The following RABGAP1 variants were observed in gnomAD, a reference collection of about 807,000 sequenced individuals.
RABGAP1 encodes the protein rab GTPase-activating protein 1.
Under a neutral mutation model 137.6 loss-of-function variants are expected in RABGAP1, and 23 were observed. The ratio of observed to expected loss-of-function variants is 0.17; its 90% CI spans 0.12 to 0.24. The LOEUF (loss-of-function observed/expected upper bound fraction) is 0.24. Ranked by LOEUF, RABGAP1 falls within the 10% of genes least tolerant of loss-of-function variation. The probability of loss-of-function intolerance (pLI) is 1.00; values close to 1 mark genes in which losing one functional copy is unlikely to be tolerated. For synonymous variants in RABGAP1, 451 were observed against 450.7 expected (o/e 1.00, Z -0.01); for missense variants, 906 against 1,275.8 (o/e 0.71, Z 4.42).
intron 11 of RABGAP1, among the ~76,000 whole-genome samples, chr9:123,010,950 T>G (rs2030750355): frequency 1.3e-5 from 2 of 151,902 alleles, no homozygotes; most frequent in Admixed American, 6.6e-5. Context: ...ATATATACGT[T>G]TATATATTAC....
intron 2 of RABGAP1, among the ~76,000 whole-genome samples, chr9:122,961,555 C>G (rs1468452996): frequency 6.6e-6 from 1 of 152,224 alleles, no homozygotes; most frequent in Non-Finnish European, 1.5e-5. Flanking sequence ...AAGCAAGTTA[C>G]TCCACATGAT....
intron 13 of RABGAP1, among the ~76,000 whole-genome samples, chr9:123,030,488 C>T (rs1260963086): frequency 2.0e-5 from 3 of 152,008 alleles, no homozygotes; most frequent in African/African-American, 7.2e-5. Context: ...AGTTACTCAG[C>T]CTTCAAAGTA....
chr9:122,939,215 A>G (rs1257962679), upstream of RABGAP1: 1 of 152,156 alleles, frequency 6.6e-6, no homozygotes, highest in African/African-American at 2.4e-5. Context: ...AATAAGGTAG[A>G]TATTTTTAAT....
At chr9:123,068,165 C>T (rs916238844) in intron 14 of RABGAP1, among the ~76,000 whole-genome samples, 1 of 152,024 alleles carries the variant, frequency 6.6e-6, no homozygotes, top group Non-Finnish European at 1.5e-5. Context: ...GCCTGGCCAA[C>T]ATGATGAAAC....
At position 123,016,646 on chromosome 9, in the gene RABGAP1, A is replaced by G. The variant is rs554156452; in HGVS notation, c.1643+1010A>G. On this transcript the variant is annotated intron_variant, in intron 12 of 25. Coordinates refer to ENST00000373647, the MANE Select transcript of RABGAP1 (RefSeq NM_012197.4). ...TTTTCTCCTTGAATAGGATGCCAGT[A>G]TATGCTGAAAAAAGCTGAGCTTGGA... 2.0e-5 allele frequency among the ~76,000 whole-genome samples: 3 copies of G among 152,206 alleles called. No individual in the cohort carries two copies. The East Asian group carries it at 5.8e-4, about 29-fold the overall frequency.
Position 123,010,378 on chromosome 9 carries a change from A to G in RABGAP1, c.1399A>G (p.Asn467Asp), listed in dbSNP as rs1460770736. ...GATAAAGCAAAGGGAGAGAAAGAAT[A>G]ATACTGACACTTTATATGAAGTTGT... ...KQIKQRERKN[N>D]TDTLYEVVCL... is the part of the protein sequence containing the mutation. The change falls in exon 11 of 26, where the codon AAT becomes GAT. Residue 467 changes from asparagine (N) to aspartate (D), a missense_variant. Transcript: ENST00000373647. The G allele has an allele frequency of 6.2e-7, 1 of 1,612,982 alleles. No homozygotes were observed. The highest frequency in any genetic ancestry group is 2.2e-5 in the East Asian group (1 of 44,888).
At chr9:123,011,955 TCAACAA>T (rs534225221) in intron 11 of RABGAP1, among the ~76,000 whole-genome samples, 17 of 151,926 alleles carry the variant, frequency 1.1e-4, no homozygotes, top group Non-Finnish European at 1.5e-4. Flanking sequence ...AAACTCTGTC[TCAACAA>T]CAACAACAAC....
intron 1 of RABGAP1, among the ~76,000 whole-genome samples, chr9:122,945,160 T>TTTTTTTTTTTTTTTTTTTTTTTTTTTC (rs1564348109): frequency 6.8e-6 from 1 of 146,902 alleles, no homozygotes; most frequent in Non-Finnish European, 1.5e-5. Context: ...TTTTTTTTTT[T>TTTTTTTTTTTTTTTTTTTTTTTTTTTC]TTTAGCATAA....
At chr9:123,073,466 G>T in intron 15 of RABGAP1, 86 bp from the exon 16 acceptor site, 1 of 1,495,084 alleles carries the variant, frequency 6.7e-7, no homozygotes, top group Non-Finnish European at 9.1e-7. Context: ...TATAAAGCTG[G>T]ATTTAATATC....
At chr9:123,065,515 GA>G (rs2132121414) in intron 14 of RABGAP1, 54 bp downstream of exon 14, 1 of 1,253,894 alleles carries the variant, frequency 8.0e-7, no homozygotes, top group East Asian at 2.3e-5. Context: ...GTTCTACTTT[GA>G]AATTACATAA....
At chr9:122,982,656 C>T (rs961712796) in intron 2 of RABGAP1, among the ~76,000 whole-genome samples, 5 of 152,146 alleles carry the variant, frequency 3.3e-5, no homozygotes, top group African/African-American at 1.2e-4. Context: ...CTTTTGCTTA[C>T]TGCAGGTGAT....
At chr9:122,946,303 T>G (rs1193488194) in intron 1 of RABGAP1, among the ~76,000 whole-genome samples, 2 of 152,182 alleles carry the variant, frequency 1.3e-5, no homozygotes, top group Non-Finnish European at 2.9e-5. Context: ...AGTTTTAAAT[T>G]CATGTAGATT....
intron 9 of RABGAP1, 107 bp from the exon 10 acceptor site, chr9:122,998,490 G>A: frequency 1.1e-6 from 1 of 929,700 alleles, no homozygotes; most frequent in Non-Finnish European, 1.6e-6. Flanking sequence ...GTTCACTTAA[G>A]GTATTTTGAA....
intron 25 of RABGAP1, among the ~76,000 whole-genome samples, chr9:123,102,887 T>C (rs1260256329): frequency 6.6e-6 from 1 of 152,228 alleles, no homozygotes; most frequent in African/African-American, 2.4e-5. Context: ...TTTTAATAAA[T>C]AGACCAGGCA....
chr9:123,009,518 T>G (rs1342159766), intron 10 of RABGAP1, among the ~76,000 whole-genome samples: 1 of 152,200 alleles, frequency 6.6e-6, no homozygotes, highest in Non-Finnish European at 1.5e-5. Flanking sequence ...TACCTTTTCC[T>G]ATAGCTCTCC....
At chr9:123,061,244 G>A (rs924104435) in intron 13 of RABGAP1, among the ~76,000 whole-genome samples, 3 of 152,000 alleles carry the variant, frequency 2.0e-5, no homozygotes, top group East Asian at 1.9e-4. Context: ...TCAGCCTCCC[G>A]AATAGCTAAG....
At chr9:123,044,093 C>T (rs546729496) in intron 13 of RABGAP1, among the ~76,000 whole-genome samples, 2 of 151,774 alleles carry the variant, frequency 1.3e-5, no homozygotes, top group Admixed American at 6.6e-5. Context: ...TTAGTAGAGA[C>T]GGGGTTTCAC....
At chr9:123,014,999 A>G (rs117327820) in intron 11 of RABGAP1, among the ~76,000 whole-genome samples, 3 of 152,204 alleles carry the variant, frequency 2.0e-5, no homozygotes, top group Non-Finnish European at 4.4e-5. Flanking sequence ...GGTCCTTCCC[A>G]TGACACGTGG....
At chr9:123,035,036 C>A in intron 13 of RABGAP1, 1 of 1,613,840 alleles carries the variant, frequency 6.2e-7, no homozygotes, top group Non-Finnish European at 8.5e-7. Context: ...TGGCTATACT[C>A]GACCCTGGTC....
Sources: gnomAD v4.1 joint callset for allele counts (sites outside exome capture counted in the v4.1 genomes callset) on GRCh38, gnomAD v4.1.1 for gene constraint, MANE v1.5 for transcripts, NCBI Gene and HGNC (gene_info 2026-07-23, HGNC 2026-07-21) for gene names.